Variants in DOCK8 observed in about 807,000 individuals in gnomAD.
DOCK8 encodes the protein dedicator of cytokinesis 8, also known as dedicator of cytokinesis protein 8.
Under a neutral mutation model 245.6 loss-of-function variants are expected in DOCK8, and 141 were observed. The observed-to-expected ratio is 0.57, with a 90% CI of 0.50 to 0.66. The LOEUF (loss-of-function observed/expected upper bound fraction) is 0.66. Among genes scored for constraint, DOCK8 ranks in the 30% least tolerant of loss-of-function variants. DOCK8 has a pLI of 0.00. For synonymous variants in DOCK8, 1,168 were observed against 970.2 expected, an observed-to-expected ratio of 1.20 and a Z score of -3.79; for missense variants, 2,965 against 2,603.4, an observed-to-expected ratio of 1.14 and a Z score of -3.02.
intron 24 of DOCK8, among the ~76,000 whole-genome samples, chr9:392,906 C>G (rs757887194): frequency 6.6e-6 from 1 of 151,688 alleles, no homozygotes; most frequent in African/African-American, 2.4e-5. Flanking sequence ...AAAGAAGATT[C>G]ACTCAGCCTA....
intron 9 of DOCK8, among the ~76,000 whole-genome samples, chr9:330,854 T>G (rs1265536352): frequency 6.6e-6 from 1 of 152,218 alleles, no homozygotes; most frequent in Non-Finnish European, 1.5e-5. Flanking sequence ...CTCATGTCGG[T>G]CTGCAGCTCC....
intron 15 of DOCK8, 63 bp from the exon 16 acceptor site, chr9:370,167 G>A (rs1345961818): frequency 1.5e-6 from 2 of 1,357,482 alleles, no homozygotes; most frequent in East Asian, 2.3e-5. Flanking sequence ...TTGGCCTGAT[G>A]ATAGTCAATT....
At chr9:262,241 C>T in intron 1 of DOCK8, among the ~76,000 whole-genome samples, 1 of 151,846 alleles carries the variant, frequency 6.6e-6, no homozygotes, top group Non-Finnish European at 1.5e-5. Flanking sequence ...CTAACAACAC[C>T]AAGTATTGTT....
At position 420,929 on chromosome 9, in the gene DOCK8, C is replaced by CGA; in HGVS notation, c.4024-20_4024-19insGA. On this transcript the variant is annotated intron_variant, in intron 31 of 47. Coordinates refer to ENST00000432829, the MANE Select transcript of DOCK8 (RefSeq NM_203447.4). ...GAGATCTCACCAAAGGACATGTCCTCCTACCTCTGTCTTGTCCAGGGAAAA... is the reference window on the plus strand; with the variant it reads ...GAGATCTCACCAAAGGACATGTCCTCGACTACCTCTGTCTTGTCCAGGGAAAA... 1 of 1,614,126 alleles carries CGA rather than the reference C, an allele frequency of 6.2e-7. No homozygotes were observed. The highest frequency in any genetic ancestry group is 8.5e-7 in the Non-Finnish European group (1 of 1,180,016).
At chr9:334,440 G>A in intron 11 of DOCK8, 56 bp downstream of exon 11, 1 of 1,578,850 alleles carries the variant, frequency 6.3e-7, no homozygotes, top group Non-Finnish European at 8.6e-7. Context: ...CGCTGCCCAG[G>A]TCCACAGCTT....
intron 18 of DOCK8, among the ~76,000 whole-genome samples, chr9:373,125 C>T (rs1340655076): frequency 6.6e-6 from 1 of 152,150 alleles, no homozygotes; most frequent in Non-Finnish European, 1.5e-5. Context: ...TGAGATCACA[C>T]CACTGCACTG....
chr9:274,312 G>A (rs367650721), intron 2 of DOCK8, among the ~76,000 whole-genome samples: 1 of 152,056 alleles, frequency 6.6e-6, no homozygotes, highest in East Asian at 1.9e-4. Flanking sequence ...GGTTCTATTT[G>A]CATGTGAATA....
chr9:368,305 G>T (rs2053110218), intron 15 of DOCK8, 170 bp downstream of exon 15: 1 of 759,006 alleles, frequency 1.3e-6, no homozygotes, highest in East Asian at 2.5e-5. Context: ...AACAGGGTCA[G>T]TCTTACTTGA....
At chr9:289,701 G>A (rs889161909) in intron 4 of DOCK8, 120 bp downstream of exon 4, 2 of 836,884 alleles carry the variant, frequency 2.4e-6, no homozygotes, top group Admixed American at 2.3e-5. Context: ...GGCAAATAGA[G>A]TTCTCATGTA....
chr9:240,171 T>G (rs992780696), intron 1 of DOCK8, among the ~76,000 whole-genome samples: 17 of 152,194 alleles, frequency 1.1e-4, no homozygotes, highest in African/African-American at 3.9e-4. Context: ...ATCCCTGAAC[T>G]TTACCTCAAG....
chr9:271,594 C>G (rs1405908887), intron 1 of DOCK8, 33 bp from the exon 2 acceptor site: 2 of 1,416,522 alleles, frequency 1.4e-6, no homozygotes, highest in African/African-American at 1.4e-5. Flanking sequence ...CTAAAATAAT[C>G]ATTTCATTTA....
chr9:395,648 T>C (rs1456482271), intron 24 of DOCK8, among the ~76,000 whole-genome samples: 1 of 151,706 alleles, frequency 6.6e-6, no homozygotes. Flanking sequence ...GACCTTCTAG[T>C]CTTCCCCATG....
chr9:256,230 G>A (rs1283272719), intron 1 of DOCK8, among the ~76,000 whole-genome samples: 56 of 152,314 alleles, frequency 3.7e-4, no homozygotes, highest in Non-Finnish European at 1.5e-5. Flanking sequence ...GAACAATAAA[G>A]GACATGGTGG....
chr9:450,970 A>G (rs145573074), intron 45 of DOCK8, among the ~76,000 whole-genome samples: 67 of 152,078 alleles, frequency 4.4e-4, no homozygotes, highest in African/African-American at 1.5e-3. Flanking sequence ...TAGTTGTATT[A>G]CACTTATATA....
intron 28 of DOCK8, among the ~76,000 whole-genome samples, chr9:413,627 A>G (rs193039274): frequency 6.6e-6 from 1 of 152,252 alleles, no homozygotes; most frequent in Admixed American, 6.5e-5. Flanking sequence ...TCCAAAGAAG[A>G]TACAGCCATA....
chr9:308,609 T>G (rs1254061596), intron 5 of DOCK8, among the ~76,000 whole-genome samples: 4 of 152,248 alleles, frequency 2.6e-5, no homozygotes, highest in African/African-American at 9.6e-5. Context: ...CAAAACTTCC[T>G]TTTTCATATT....
chr9:245,292 C>T (rs778957794), intron 1 of DOCK8, among the ~76,000 whole-genome samples: 5 of 152,162 alleles, frequency 3.3e-5, no homozygotes, highest in African/African-American at 7.2e-5. Context: ...GCAACCTCCA[C>T]CTCCTGAGTT....
At chr9:326,645 C>T (rs1337305936) in intron 8 of DOCK8, among the ~76,000 whole-genome samples, 2 of 152,196 alleles carry the variant, frequency 1.3e-5, no homozygotes, top group Non-Finnish European at 2.9e-5. Flanking sequence ...CTTTAACCAT[C>T]CAGGGTGGGA....
rs150327427 is a variant in DOCK8, at chr9:339,702, G to A, written c.1517-457G>A. ...GCTTATTTTTTGTATTTTTAGTAGA[G>A]ACAGGGTTTCACCATGTTGGCCAGG... On this transcript the variant is annotated intron_variant, in intron 13 of 47. Coordinates refer to ENST00000432829, the MANE Select transcript of DOCK8 (RefSeq NM_203447.4). Among the ~76,000 whole-genome samples, 686 of 152,266 alleles carry A rather than the reference G, an allele frequency of 4.5e-3. 4 individuals are homozygous for A. The highest frequency in any genetic ancestry group is 0.016 in the African/African-American group (658 of 41,546).
Sources: gnomAD v4.1 joint callset for allele counts (sites outside exome capture counted in the v4.1 genomes callset) on GRCh38, gnomAD v4.1.1 for gene constraint, MANE v1.5 for transcripts, NCBI Gene and HGNC (gene_info 2026-07-23, HGNC 2026-07-21) for gene names.